The following RBPJ variants were observed in gnomAD, a reference collection of about 807,000 sequenced individuals.
RBPJ encodes the protein recombining binding protein suppressor of hairless.
A neutral mutation model predicts 67.8 loss-of-function variants in RBPJ; 9 were observed. The observed-to-expected ratio is 0.13, with a 90% confidence interval of 0.08 to 0.23. RBPJ has a LOEUF of 0.23. RBPJ is among the 10% of genes least tolerant of loss of function. RBPJ has a pLI of 1.00. For synonymous variants in RBPJ, 198 were observed against 203.3 expected (o/e 0.97, Z 0.22); for missense variants, 305 against 595.6 (o/e 0.51, Z 5.08).
At chr4:26,339,436 C>A (rs181500402) in intron 1 of RBPJ, among the ~76,000 whole-genome samples, 11 of 152,164 alleles carry the variant, frequency 7.2e-5, no homozygotes, top group African/African-American at 2.2e-4. Context: ...GAGTTCGAGA[C>A]TAGCCTGGCC....
chr4:26,377,607 T>G (rs73121169), intron 1 of RBPJ, among the ~76,000 whole-genome samples: 2,803 of 152,334 alleles, frequency 0.018, 94 homozygotes, highest in African/African-American at 0.063. Flanking sequence ...CTTTAAAGTT[T>G]CATTGTATTT....
At chr4:26,108,251 G>A in the RBPJ span, among the ~76,000 whole-genome samples, 2 of 152,198 alleles carry the variant, frequency 1.3e-5, no homozygotes, top group Admixed American at 6.5e-5. Context: ...AGACGGAAGT[G>A]ACAATTCTCC....
intron 1 of RBPJ, among the ~76,000 whole-genome samples, chr4:26,365,963 G>T (rs540046210): frequency 2.2e-4 from 34 of 152,352 alleles, no homozygotes; most frequent in African/African-American, 7.5e-4. Context: ...TCATAGATCA[G>T]TGGTTTTCAA....
At chr4:26,156,830 G>A in the RBPJ span, among the ~76,000 whole-genome samples, 1 of 152,062 alleles carries the variant, frequency 6.6e-6, no homozygotes, top group African/African-American at 2.4e-5. Flanking sequence ...AGCACTTTGG[G>A]CAGCAGAGGC....
chr4:26,264,614 A>C lies in RBPJ; in HGVS notation c.-166-97832A>C, dbSNP rs1247066892. 6.6e-6 allele frequency among the ~76,000 whole-genome samples: 1 copy of C among 151,976 alleles called. No individual in the cohort carries two copies. The highest frequency in any genetic ancestry group is 2.4e-5 in the African/African-American group (1 of 41,362). On this transcript the variant is annotated intron_variant, in intron 1 of 4. Coordinates refer to the RBPJ transcript ENST00000512351. The surrounding 1 kb of genome is among the most constrained non-coding windows in gnomAD (Gnocchi z 4.1). ...CATATAGGCACATACACTCACACACACTTGCTGTCTTCCTCTCTTCCCCAT... is the reference window on the plus strand; with the variant it reads ...CATATAGGCACATACACTCACACACCCTTGCTGTCTTCCTCTCTTCCCCAT...
chr4:26,429,920 C>A lies in RBPJ; in HGVS notation c.911C>A (p.Pro304Gln). 6.2e-7 allele frequency: 1 copy of A among 1,613,024 alleles called. No individual in the cohort carries two copies. The highest frequency in any genetic ancestry group is 8.5e-7 in the Non-Finnish European group (1 of 1,179,872). ...QFQATPCPKE[P>Q]NKEMINDGAS... ...TAGGCCACTCCATGTCCAAAAGAAC[C>A]AAATAAAGAGATGATAAATGATGGC... Residue 304 changes from proline to glutamine, a missense_variant, in exon 9 of 11, where the codon CCA becomes CAA. Physicochemically the swap from Pro to Gln is moderately conservative, Grantham distance 76. Around this residue, in one of 7 missense-constraint regions of RBPJ, gnomAD observed 66 missense variants for 226.0 expected, o/e 0.29. Coordinates refer to ENST00000355476, the MANE Select transcript of RBPJ (RefSeq NM_015874.6).
intron 1 of RBPJ, among the ~76,000 whole-genome samples, chr4:26,255,316 A>G (rs1396166861): frequency 4.9e-5 from 6 of 122,500 alleles, no homozygotes; most frequent in Admixed American, 8.6e-5. Flanking sequence ...AGGCAGGAGA[A>G]TGGCGTGAAC....
rs1292671942 is a variant in RBPJ at position 26,434,684 on chromosome 4, C to T, written c.*3677C>T. ...TGGTCCAGATGTAGGTTTATATGCT[C>T]ATTTTTAGCTTATTTCTTGTACCTT... On this transcript the variant is annotated 3_prime_UTR_variant, in exon 11 of 11. Transcript: ENST00000355476. The T allele has an allele frequency of 6.6e-6, 1 of 152,204 alleles. No individual in the cohort carries two copies. Among genetic ancestry groups the T allele is most frequent in the South Asian group, 2.1e-4 (1 of 4,830 alleles). 9.4% of individuals were successfully genotyped at this position (152,204 alleles called of 1,614,324 possible). A position where few individuals can be genotyped will look rare whatever the true frequency, so the allele number is the denominator to read the frequency against.
At chr4:26,303,296 A>G (rs1374787994) in intron 1 of RBPJ, among the ~76,000 whole-genome samples, 2 of 147,102 alleles carry the variant, frequency 1.4e-5, no homozygotes, top group Non-Finnish European at 3.0e-5. Context: ...TATATATATA[A>G]TCTTTATGAA....
At chr4:26,249,542 T>A (rs1239601622) in intron 1 of RBPJ, among the ~76,000 whole-genome samples, 1 of 151,856 alleles carries the variant, frequency 6.6e-6, no homozygotes, top group Admixed American at 6.6e-5. Context: ...GTGCCTGTAA[T>A]CCCAGCTACT....
At chr4:26,221,125 C>G (rs892730230) in intron 1 of RBPJ, among the ~76,000 whole-genome samples, 1 of 152,180 alleles carries the variant, frequency 6.6e-6, no homozygotes, top group Non-Finnish European at 1.5e-5. Context: ...GAGTCTCGTT[C>G]CGTCGCCCAG....
Position 26,281,184 on chromosome 4 carries a change from A to C in RBPJ, c.-166-81262A>C, listed in dbSNP as rs73114543. Among the ~76,000 whole-genome samples, 3 of 152,242 alleles carry C rather than the reference A, an allele frequency of 2.0e-5. No individual in the cohort carries two copies. The East Asian group carries it at 5.8e-4, about 29-fold the overall frequency. On this transcript the variant is annotated intron_variant, in intron 1 of 4. Transcript: ENST00000512351. ...AAGAAAGGAGGTTTAATTGACTCAC[A>C]GTTCCGCAGGCTTAATGGGTAGTAT... is the stretch of plus-strand genomic sequence containing the variant.
chr4:26,348,780 T>G (rs772964559), intron 1 of RBPJ, among the ~76,000 whole-genome samples: 4 of 152,086 alleles, frequency 2.6e-5, no homozygotes, highest in African/African-American at 4.8e-5. Flanking sequence ...CATAGCTCAC[T>G]GCAGCCTTGA....
the RBPJ span, among the ~76,000 whole-genome samples, chr4:26,109,473 T>TACAC: frequency 8.0e-3 from 353 of 43,932 alleles, 36 homozygotes; most frequent in African/African-American, 0.03. Context: ...TATATATATA[T>TACAC]ATATATATAT....
rs112716449 is a variant in RBPJ at position 26,312,305 on chromosome 4, G to A, written c.-166-50141G>A. On this transcript the variant is annotated intron_variant, in intron 1 of 4. Coordinates refer to the RBPJ transcript ENST00000512351. ...CGCCACCACGCCTGGCTAATTTTTT[G>A]TATTTTTAGTAGAAACGGGGTTTCA... Among the ~76,000 whole-genome samples the A allele has an allele frequency of 6.6e-3, 1,002 of 152,060 alleles. 8 individuals are homozygous for A. Among genetic ancestry groups the A allele is most frequent in the African/African-American group, 0.023 (939 of 41,480 alleles).
chr4:26,210,058 G>T (rs911923744), intron 1 of RBPJ, among the ~76,000 whole-genome samples: 3 of 152,052 alleles, frequency 2.0e-5, no homozygotes, highest in Admixed American at 6.6e-5. Flanking sequence ...ACAACTATTG[G>T]ATTGATTTTG....
intron 1 of RBPJ, among the ~76,000 whole-genome samples, chr4:26,307,815 A>T (rs1350816986): frequency 6.6e-6 from 1 of 152,242 alleles, no homozygotes; most frequent in East Asian, 1.9e-4. Context: ...AAATGTTTTT[A>T]TCCATTAGTG....
chr4:26,302,470 A>G (rs1010162898), intron 1 of RBPJ, among the ~76,000 whole-genome samples: 2 of 152,178 alleles, frequency 1.3e-5, no homozygotes, highest in Non-Finnish European at 2.9e-5. Flanking sequence ...AATGGCCTAC[A>G]AGTAATGTAC....
chr4:26,157,292 G>T, the RBPJ span, among the ~76,000 whole-genome samples: 4 of 151,900 alleles, frequency 2.6e-5, no homozygotes, highest in Admixed American at 6.6e-5. Flanking sequence ...CATTAGCCAG[G>T]CATGTTGACA....
Sources: allele counts gnomAD v4.1 joint callset (sites outside exome capture counted in the v4.1 genomes callset), GRCh38; gene constraint gnomAD v4.1.1; regional missense constraint gnomAD v4.1.1; non-coding constraint Gnocchi (gnomAD v3.1); transcripts MANE v1.5; gene names NCBI Gene and HGNC (gene_info 2026-07-23, HGNC 2026-07-21).